Variants in HYDIN observed in about 807,000 individuals in gnomAD.
The protein encoded by HYDIN is axonemal central pair apparatus protein HYDIN.
In HYDIN, 132 loss-of-function variants were observed where a neutral mutation model predicts 403.9. The ratio of observed to expected loss-of-function variants is 0.33; its 90% CI spans 0.28 to 0.38. The LOEUF (loss-of-function observed/expected upper bound fraction) is 0.38. HYDIN is among the 10% of genes least tolerant of loss of function. The pLI, the probability that HYDIN is intolerant of heterozygous loss-of-function variation, is 1.00. For missense variants in HYDIN, 2,827 were observed against 5,009.5 expected (o/e 0.56, Z 13.15); for synonymous variants, 1,202 against 1,891.7 (o/e 0.64, Z 9.46).
At chr16:71,220,259 T>G (rs1241147406) in intron 1 of HYDIN, among the ~76,000 whole-genome samples, 1 of 152,204 alleles carries the variant, frequency 6.6e-6, no homozygotes, top group African/African-American at 2.4e-5. Flanking sequence ...TGAAGAAACA[T>G]TCTCAAAACT....
rs1240041367 is a variant in HYDIN at position 71,198,445 on chromosome 16, C to A, written c.-23-11527G>T. 7.9e-5 allele frequency among the ~76,000 whole-genome samples: 12 copies of A among 152,120 alleles called. 1 individual carries two copies. Among genetic ancestry groups the A allele is most frequent in the Admixed American group, 7.9e-4 (12 of 15,266 alleles). On this transcript the variant is annotated intron_variant, in intron 1 of 85. Transcript: ENST00000393567. ...CTGTGTGGTCTTGGACTGACTCTGT[C>A]CTCCCCCATCTCTTGCTTGTAGTTG...
Position 71,134,834 on chromosome 16 carries a change from C to T in HYDIN, c.1043+2317G>A, listed in dbSNP as rs1056048867. 1.3e-4 allele frequency among the ~76,000 whole-genome samples: 20 copies of T among 152,136 alleles called. 1 individual carries two copies. In the East Asian group the frequency reaches 1.9e-3, roughly 15 times the overall value. On this transcript the variant is annotated intron_variant, in intron 8 of 85. Transcript: ENST00000393567. The stretch of plus-strand genomic sequence containing the variant: ...TCTTATTATTATGCTTGGGCTGTAT[C>T]GAGGAACAATGGAGAGAAGAGCAAG...
chr16:71,191,226 T>G (rs1297301391), intron 1 of HYDIN, among the ~76,000 whole-genome samples: 2 of 152,218 alleles, frequency 1.3e-5, no homozygotes, highest in Non-Finnish European at 2.9e-5. Flanking sequence ...TGTTGTTATT[T>G]GCTAAGTATG....
At chr16:71,030,621 G>C (rs2080872598) in intron 19 of HYDIN, among the ~76,000 whole-genome samples, 1 of 151,946 alleles carries the variant, frequency 6.6e-6, no homozygotes, top group South Asian at 2.1e-4. Flanking sequence ...TGTAGAGATG[G>C]GGTTTTACCA....
chr16:71,163,119 CTTTTTTT>C (rs71272746), intron 5 of HYDIN, among the ~76,000 whole-genome samples: 29 of 120,726 alleles, frequency 2.4e-4, no homozygotes, highest in Non-Finnish European at 2.9e-4. Context: ...AATGATGTTT[CTTTTTTT>C]TTTTTTTTTT....
At chr16:70,951,164 G>C (rs1393991031) in intron 41 of HYDIN, among the ~76,000 whole-genome samples, 1 of 151,914 alleles carries the variant, frequency 6.6e-6, no homozygotes, top group Non-Finnish European at 1.5e-5. Context: ...AAGCCCGGGA[G>C]CTCAAGGCCG....
intron 23 of HYDIN, among the ~76,000 whole-genome samples, chr16:71,002,760 C>G (rs1441687050): frequency 1.3e-5 from 2 of 150,650 alleles, no homozygotes; most frequent in African/African-American, 4.9e-5. Context: ...TCACTGCAAC[C>G]TTTGCCTCCT....
chr16:71,211,473 T>C (rs2088587107), intron 1 of HYDIN, among the ~76,000 whole-genome samples: 1 of 151,766 alleles, frequency 6.6e-6, no homozygotes. Context: ...ACCCCGTCTC[T>C]ACTAAAAATA....
chr16:71,073,828 A>G (rs1279707914), intron 13 of HYDIN, among the ~76,000 whole-genome samples: 1 of 152,142 alleles, frequency 6.6e-6, no homozygotes, highest in African/African-American at 2.4e-5. Context: ...TCACCACCCA[A>G]TTCTATTATC....
At chr16:70,938,887 G>A in intron 43 of HYDIN, 132 bp from the exon 44 acceptor site, 1 of 651,868 alleles carries the variant, frequency 1.5e-6, no homozygotes, top group Non-Finnish European at 2.7e-6. Context: ...CCTGATTGCA[G>A]GGGTGGGGGG....
chr16:71,170,929 G>A (rs938500189), intron 5 of HYDIN, among the ~76,000 whole-genome samples: 7 of 152,194 alleles, frequency 4.6e-5, no homozygotes, highest in Non-Finnish European at 1.0e-4. Flanking sequence ...GATGACAGCA[G>A]AAAGTAGAAA....
chr16:70,883,010 C>A, intron 59 of HYDIN, 115 bp from the exon 60 acceptor site: 1 of 805,848 alleles, frequency 1.2e-6, no homozygotes, highest in East Asian at 2.4e-5. Context: ...GACACATAGG[C>A]GAAGTCATGC....
intron 4 of HYDIN, 95 bp from the exon 5 acceptor site, chr16:71,175,836 C>G: frequency 7.8e-7 from 1 of 1,274,656 alleles, no homozygotes; most frequent in Non-Finnish European, 1.1e-6. Flanking sequence ...GACGTGTGAC[C>G]TTGGTCAGGT....
intron 5 of HYDIN, among the ~76,000 whole-genome samples, chr16:71,170,897 G>A (rs535834323): frequency 2.0e-5 from 3 of 152,266 alleles, no homozygotes; most frequent in African/African-American, 4.8e-5. Context: ...CTGGTCATGC[G>A]CTGAGATTTG....
chr16:70,834,573 T>C (rs1174784892), intron 78 of HYDIN, among the ~76,000 whole-genome samples: 1 of 151,994 alleles, frequency 6.6e-6, no homozygotes, highest in Non-Finnish European at 1.5e-5. Context: ...TCCGGTTGGG[T>C]GCCGTGGCTC....
intron 3 of HYDIN, among the ~76,000 whole-genome samples, chr16:71,180,632 A>AGAG (rs374315164): frequency 2.8e-5 from 4 of 144,640 alleles, no homozygotes; most frequent in African/African-American, 5.2e-5. Flanking sequence ...AAAGAAAGAG[A>AGAG]AAAAAAATTT....
intron 1 of HYDIN, among the ~76,000 whole-genome samples, chr16:71,228,795 C>A (rs746013878): frequency 3.2e-4 from 49 of 152,294 alleles, no homozygotes; most frequent in Admixed American, 1.4e-3. Context: ...ATCCAGCCAT[C>A]CCATTACTGG....
Position 70,823,812 on chromosome 16 carries a change from G to A in HYDIN, c.14427+3449C>T, listed in dbSNP as rs895318526. Among the ~76,000 whole-genome samples the A allele has an allele frequency of 6.7e-4, 99 of 147,176 alleles. 1 individual carries two copies. The highest frequency in any genetic ancestry group is 2.4e-3 in the African/African-American group (95 of 39,680). On this transcript the variant is annotated intron_variant, in intron 83 of 85. Coordinates refer to ENST00000393567, the MANE Select transcript of HYDIN (RefSeq NM_001270974.2). ...TCCCTTCTCTCTGGTGTCCTACCCT[G>A]TAGAGACTAGCCTTTTTGACTGTCC...
At chr16:71,063,774 CAT>C (rs1352307372) in intron 16 of HYDIN, among the ~76,000 whole-genome samples, 23 of 152,126 alleles carry the variant, frequency 1.5e-4, no homozygotes, top group African/African-American at 5.1e-4. Flanking sequence ...ATTAAACACA[CAT>C]ATGATTGGAT....
Sources: gnomAD v4.1 joint callset for allele counts (sites outside exome capture counted in the v4.1 genomes callset) on GRCh38, gnomAD v4.1.1 for gene constraint, MANE v1.5 for transcripts, NCBI Gene and HGNC (gene_info 2026-07-23, HGNC 2026-07-21) for gene names.